The following RGS6 variants were observed in gnomAD, a reference collection of about 807,000 sequenced individuals.
RGS6 encodes the protein regulator of G protein signaling 6.
RGS6 carries 30 observed loss-of-function variants against 78.5 expected under a neutral mutation model. That is an observed-to-expected ratio of 0.38 (90% CI 0.29 to 0.52). RGS6 has a LOEUF of 0.52. Among genes scored for constraint, RGS6 ranks in the 20% least tolerant of loss-of-function variants. The pLI is 0.85. For missense variants in RGS6, 495 were observed against 609.7 expected (o/e 0.81, Z 1.98); for synonymous variants, 206 against 206.0 (o/e 1.00, Z 0.00).
At chr14:72,497,126 TG>T (rs2096655701) in intron 13 of RGS6, among the ~76,000 whole-genome samples, 1 of 152,186 alleles carries the variant, frequency 6.6e-6, no homozygotes, top group Non-Finnish European at 1.5e-5. Flanking sequence ...TTCGTAGAAA[TG>T]GTATGCATAT....
At chr14:72,452,188 G>A (rs1471243956) in intron 3 of RGS6, among the ~76,000 whole-genome samples, 3 of 151,684 alleles carry the variant, frequency 2.0e-5, no homozygotes, top group Admixed American at 1.3e-4. Context: ...TTGGAGGAAA[G>A]GGACACACAG....
chr14:72,495,237 G>T lies in RGS6; in HGVS notation c.940G>T (p.Val314Phe). The change falls in exon 13 of 18, where the codon GTT (valine) becomes TTT (phenylalanine). Residue 314 changes from valine to phenylalanine, a missense_variant. Transcript: ENST00000553525. ...EPSNPWISDDVALWDIEMSKE... is the reference protein window; with the variant it reads ...EPSNPWISDDFALWDIEMSKE... ...ATCCAACCCTTGGATCAGCGATGAC[G>T]TTGCTTTGTGGGACATAGAGATGAG... 1 of 1,612,846 alleles carries T rather than the reference G, an allele frequency of 6.2e-7. No individual in the cohort carries two copies.
intron 2 of RGS6, among the ~76,000 whole-genome samples, chr14:72,000,858 T>C (rs888815267): frequency 9.2e-5 from 14 of 152,166 alleles, no homozygotes; most frequent in African/African-American, 3.4e-4. Context: ...GAGTTTCATA[T>C]TGAAAGAAAA....
At chr14:72,277,819 T>C (rs1377163516) in intron 2 of RGS6, among the ~76,000 whole-genome samples, 1 of 151,962 alleles carries the variant, frequency 6.6e-6, no homozygotes. Context: ...TCCCAGCTAT[T>C]TGGGAGGCTG....
chr14:71,928,400 G>A (rs2087749531), upstream of RGS6, among the ~76,000 whole-genome samples: 4 of 152,200 alleles, frequency 2.6e-5, no homozygotes, highest in Non-Finnish European at 5.9e-5. Context: ...ATAAGAAAAT[G>A]TGGGAGTTTG....
At chr14:72,541,381 C>A in intron 17 of RGS6, 1 of 1,431,930 alleles carries the variant, frequency 7.0e-7, no homozygotes. Context: ...TCAAATAACT[C>A]TAGTGGGTGG....
chr14:71,986,046 C>T (rs1267702193), intron 2 of RGS6, among the ~76,000 whole-genome samples: 2 of 152,210 alleles, frequency 1.3e-5, no homozygotes, highest in Non-Finnish European at 2.9e-5. Context: ...AACAGCTCTT[C>T]TGTCACACAC....
chr14:72,094,826 C>G (rs1224577712), intron 2 of RGS6, among the ~76,000 whole-genome samples: 1 of 152,150 alleles, frequency 6.6e-6, no homozygotes, highest in Non-Finnish European at 1.5e-5. Flanking sequence ...TAAAGCAAAG[C>G]TGAGATCTTT....
intron 17 of RGS6, among the ~76,000 whole-genome samples, chr14:72,556,951 T>C (rs1393120735): frequency 6.6e-6 from 1 of 152,194 alleles, no homozygotes; most frequent in African/African-American, 2.4e-5. Flanking sequence ...TAAAACCACA[T>C]AAAATGCCCT....
rs2065234588 is a variant in RGS6 at position 72,298,071 on chromosome 14, G to A, written c.85-54024G>A. 2.6e-5 allele frequency among the ~76,000 whole-genome samples: 4 copies of A among 152,032 alleles called. 1 individual carries two copies. The South Asian group carries it at 8.3e-4, about 31-fold the overall frequency. On this transcript the variant is annotated intron_variant, in intron 2 of 17. Coordinates refer to ENST00000553525, the MANE Select transcript of RGS6 (RefSeq NM_001204424.2). ...TCATTTCCTGTTCTGTCTTGCAGAT[G>A]ATTTTATAGCTGACATCGGTCAAGA...
the RGS6 span, among the ~76,000 whole-genome samples, chr14:72,588,796 G>A: frequency 5.9e-5 from 9 of 152,196 alleles, no homozygotes; most frequent in African/African-American, 2.2e-4. Context: ...GTGATTTACA[G>A]AAAGAAATGG....
intron 2 of RGS6, among the ~76,000 whole-genome samples, chr14:72,086,561 T>C (rs1469057107): frequency 6.6e-6 from 1 of 152,220 alleles, no homozygotes; most frequent in Non-Finnish European, 1.5e-5. Flanking sequence ...CAGAACATAT[T>C]TCATTCTTCC....
intron 2 of RGS6, among the ~76,000 whole-genome samples, chr14:72,305,363 G>A (rs891685810): frequency 2.0e-5 from 3 of 152,178 alleles, no homozygotes; most frequent in Admixed American, 2.0e-4. Context: ...TTTATTGTGC[G>A]TTCTTTGTTG....
intron 1 of RGS6, among the ~76,000 whole-genome samples, chr14:71,944,651 A>T (rs2091213008): frequency 6.6e-6 from 1 of 152,250 alleles, no homozygotes; most frequent in Non-Finnish European, 1.5e-5. Flanking sequence ...TTATCATCAG[A>T]TCTGGAAGAG....
rs1391354676 is a variant in RGS6, at chr14:72,305,613, G to A, written c.85-46482G>A. On this transcript the variant is annotated intron_variant, in intron 2 of 17. Coordinates refer to ENST00000553525, the MANE Select transcript of RGS6 (RefSeq NM_001204424.2). ...CTTTGGGGCACCATGAACCACACCTGTATAAGATGGAGAACTTAATAAATG... is the reference window on the plus strand; with the variant it reads ...CTTTGGGGCACCATGAACCACACCTATATAAGATGGAGAACTTAATAAATG... 2.6e-5 allele frequency among the ~76,000 whole-genome samples: 4 copies of A among 152,272 alleles called. No homozygotes were observed. The East Asian group carries it at 5.8e-4, about 22-fold the overall frequency.
chr14:72,476,398 T>G (rs985861369), intron 10 of RGS6, among the ~76,000 whole-genome samples: 3 of 152,168 alleles, frequency 2.0e-5, no homozygotes, highest in South Asian at 2.1e-4. Context: ...TCTGATGCAG[T>G]AAGTCCAGGG....
intron 2 of RGS6, among the ~76,000 whole-genome samples, chr14:71,967,529 T>C (rs2093596024): frequency 6.6e-6 from 1 of 152,204 alleles, no homozygotes; most frequent in African/African-American, 2.4e-5. Flanking sequence ...TGGAAGTCCT[T>C]TTGTGTAATC....
At chr14:71,924,687 T>G in the RGS6 span, among the ~76,000 whole-genome samples, 1 of 152,236 alleles carries the variant, frequency 6.6e-6, no homozygotes, top group East Asian at 1.9e-4. Flanking sequence ...TAGAATAATG[T>G]CTTTCAGTTT....
intron 16 of RGS6, 51 bp downstream of exon 16, chr14:72,536,326 C>A: frequency 7.8e-7 from 1 of 1,280,392 alleles, no homozygotes; most frequent in Non-Finnish European, 1.1e-6. Flanking sequence ...CTCTTGCCTG[C>A]TGCTTGCTGC....
Sources: allele counts gnomAD v4.1 joint callset (sites outside exome capture counted in the v4.1 genomes callset), GRCh38; gene constraint gnomAD v4.1.1; transcripts MANE v1.5; gene names NCBI Gene and HGNC (gene_info 2026-07-23, HGNC 2026-07-21).